Variants in RNF123 observed in about 807,000 individuals in gnomAD.
RNF123 encodes E3 ubiquitin-protein ligase RNF123.
RNF123 carries 86 observed loss-of-function variants against 168.5 expected under a neutral mutation model. That is an observed-to-expected ratio of 0.51 (90% CI 0.43 to 0.61). The LOEUF (loss-of-function observed/expected upper bound fraction) is 0.61, where lower values mean the gene tolerates loss of function less well. RNF123 is among the 20% of genes least tolerant of loss of function. The probability of loss-of-function intolerance (pLI) is 0.00; values close to 1 mark genes in which losing one functional copy is unlikely to be tolerated. For synonymous variants in RNF123, 666 were observed against 689.1 expected (o/e 0.97, Z 0.52); for missense variants, 1,419 against 1,729.7 (o/e 0.82, Z 3.19).
chr3:49,691,702 G>A (rs2054170189), intron 3 of RNF123, among the ~76,000 whole-genome samples, 193 bp downstream of exon 3: 1 of 152,230 alleles, frequency 6.6e-6, no homozygotes, highest in African/African-American at 2.4e-5. Context: ...TCCAGGCAGT[G>A]CTAGTTCCTT....
At chr3:49,716,544 G>A in intron 35 of RNF123, 67 bp downstream of exon 35, 1 of 1,302,248 alleles carries the variant, frequency 7.7e-7, no homozygotes, top group Non-Finnish European at 1.1e-6. Context: ...GCTGGACAGG[G>A]CCTCCTGGTA....
At chr3:49,719,393 C>A in intron 35 of RNF123, 1 of 1,613,632 alleles carries the variant, frequency 6.2e-7, no homozygotes, top group Non-Finnish European at 8.5e-7. Context: ...GGCGGGAAAC[C>A]CTCGGAGTCC....
At chr3:49,707,463 GGACA>G (rs1486083593) in intron 26 of RNF123, among the ~76,000 whole-genome samples, 1 of 152,128 alleles carries the variant, frequency 6.6e-6, no homozygotes, top group Non-Finnish European at 1.5e-5. Flanking sequence ...ATACATGGAT[GGACA>G]GACAGATGGA....
Position 49,704,754 on chromosome 3 carries a change from C to T in RNF123, c.1957C>T (p.Gln653Ter). The change falls in exon 22 of 39, where the codon CAG (glutamine) becomes TAG (stop). Residue 653 changes from glutamine (Q) to a stop codon, truncating the protein, a stop_gained and splice_region_variant. Transcript: ENST00000327697. LOFTEE classifies it high-confidence loss of function. Reference sequence around the variant, plus strand: ...TGAGGAGCCAGCCCCAGCTATGGCCCAGGTGCCGCAGTGGGGGCAGGCGGT... The same window carrying T: ...TGAGGAGCCAGCCCCAGCTATGGCCTAGGTGCCGCAGTGGGGGCAGGCGGT... Reference protein sequence around the residue: ...EDEEPAPAMAQRPMQALAVGG... With the variant: ...EDEEPAPAMA 1.0e-5 allele frequency: 16 copies of T among 1,573,088 alleles called. No homozygotes were observed. The highest frequency in any genetic ancestry group is 1.4e-5 in the Non-Finnish European group (16 of 1,159,494).
chr3:49,696,811 T>C (rs1336771428), intron 3 of RNF123, among the ~76,000 whole-genome samples: 1 of 151,330 alleles, frequency 6.6e-6, no homozygotes, highest in Non-Finnish European at 1.5e-5. Context: ...CACACTCAGC[T>C]AATTTTTGTA....
Position 49,715,955 on chromosome 3 carries a change from T to G in RNF123, c.3284T>G (p.Ile1095Arg), listed in dbSNP as rs761222782. The change falls in exon 33 of 39, where the codon ATA (isoleucine) becomes AGA (arginine). Residue 1095 changes from isoleucine (I) to arginine (R), a missense_variant. Physicochemically the swap from Ile to Arg is moderately conservative, Grantham distance 97. Around this residue, in one of 5 missense-constraint regions of RNF123, gnomAD observed 538 missense variants for 708.8 expected, o/e 0.76. Transcript: ENST00000327697. ...LEMTITLVPE[I>R]FLDWTRPTSE... is the part of the protein sequence containing the mutation. Reference sequence around the variant, plus strand: ...ATGACTATCACACTGGTGCCTGAGATATTCCTTGACTGGACCCGGCCTACC... The same window carrying G: ...ATGACTATCACACTGGTGCCTGAGAGATTCCTTGACTGGACCCGGCCTACC... 1 of 1,614,032 alleles carries G rather than the reference T, an allele frequency of 6.2e-7. No individual in the cohort carries two copies. The highest frequency in any genetic ancestry group is 1.1e-5 in the South Asian group (1 of 91,086).
chr3:49,698,619 C>T (rs2054315029), intron 8 of RNF123, 93 bp downstream of exon 8: 11 of 1,545,368 alleles, frequency 7.1e-6, no homozygotes. Flanking sequence ...TACAGGGCAC[C>T]AGGGAAGGGT....
chr3:49,707,007 C>A, intron 26 of RNF123, 109 bp downstream of exon 26: 1 of 794,458 alleles, frequency 1.3e-6, no homozygotes. Flanking sequence ...CTCTGGCACA[C>A]ACATGTCCCT....
chr3:49,689,801 C>G (rs2054078304), intron 1 of RNF123, 195 bp downstream of exon 1: 1 of 152,268 alleles, frequency 6.6e-6, no homozygotes, highest in South Asian at 2.1e-4. Flanking sequence ...CCGCCCTCGC[C>G]GTCCTTGGGC....
In RNF123 at chr3:49,699,707, T is replaced by G. The variant is rs764818513; in HGVS notation, c.919T>G (p.Leu307Val). Reference protein sequence around the residue: ...LLDKESSKWRLRGQPTVLLTL... With the variant: ...LLDKESSKWRVRGQPTVLLTL... The stretch of plus-strand genomic sequence containing the variant: ...GGACAAGGAGAGCTCCAAGTGGCGG[T>G]TGCGGGGCCAGCCCACCGTCCTCCT... Residue 307 changes from leucine (L) to valine (V), a missense_variant, in exon 12 of 39, where the codon TTG (leucine) becomes GTG (valine). Coordinates refer to ENST00000327697, the MANE Select transcript of RNF123 (RefSeq NM_022064.5). This position sits in a 1 kb window ranked among gnomAD's most constrained non-coding sequence, Gnocchi z 4.8. 7 of 1,613,318 alleles carry G rather than the reference T, an allele frequency of 4.3e-6. No individual in the cohort carries two copies. The Admixed American group carries it at 8.3e-5, about 19-fold the overall frequency.
At chr3:49,702,555 C>A in intron 19 of RNF123, 78 bp from the exon 20 acceptor site, 1 of 1,611,526 alleles carries the variant, frequency 6.2e-7, no homozygotes, top group Non-Finnish European at 8.5e-7. Context: ...ACCCTCGACC[C>A]TCAGGCAGGG....
chr3:49,713,112 C>A, intron 27 of RNF123: 1 of 600,184 alleles, frequency 1.7e-6, no homozygotes. Flanking sequence ...TGATTCCAGG[C>A]TGGGCGTGGC....
intron 26 of RNF123, among the ~76,000 whole-genome samples, chr3:49,710,194 C>T (rs965662664): frequency 3.9e-5 from 6 of 152,028 alleles, no homozygotes; most frequent in Non-Finnish European, 7.4e-5. Context: ...TATTGTGGTT[C>T]TGCATTTTGC....
rs2080242811 is a variant in RNF123, at chr3:49,716,254, C to T, written c.3415+77C>T. ...TGCTAGGAACAGTGAGGCCTGATTC[C>T]ACATTCTGCCCCCGGACAGCCAGAC... On this transcript the variant is annotated intron_variant, in intron 34 of 38. Coordinates refer to ENST00000327697, the MANE Select transcript of RNF123 (RefSeq NM_022064.5). The T allele has an allele frequency of 1.6e-5, 25 of 1,571,876 alleles. No individual in the cohort carries two copies. In the South Asian group the frequency reaches 2.8e-4, roughly 17 times the overall value.
intron 35 of RNF123, chr3:49,719,714 C>G (rs1171212639): frequency 8.5e-6 from 4 of 470,166 alleles, no homozygotes; most frequent in Non-Finnish European, 1.6e-5. Flanking sequence ...CTCCTAAATA[C>G]TCCCCCCAGG....
intron 3 of RNF123, 59 bp from the exon 4 acceptor site, chr3:49,697,084 G>T (rs1370265218): frequency 7.2e-7 from 1 of 1,396,532 alleles, no homozygotes; most frequent in Non-Finnish European, 1.0e-6. Context: ...ATGGGATTTA[G>T]TGTCATCTGG....
rs1304626887 is a variant in RNF123, at chr3:49,702,076, C to T, written c.1496-7C>T. ...CCTGAGGGCCATGTTCCTCACCTGACCTCCAGTGGTGGAAGAACTACAGGT... is the reference window on the plus strand; with the variant it reads ...CCTGAGGGCCATGTTCCTCACCTGATCTCCAGTGGTGGAAGAACTACAGGT... On this transcript the variant is annotated splice_polypyrimidine_tract_variant and splice_region_variant and intron_variant, in intron 17 of 38. Transcript: ENST00000327697. 1.9e-6 allele frequency: 3 copies of T among 1,613,630 alleles called. No homozygotes were observed. The highest frequency in any genetic ancestry group is 2.5e-6 in the Non-Finnish European group (3 of 1,179,776).
intron 3 of RNF123, among the ~76,000 whole-genome samples, chr3:49,692,740 C>T (rs982341837): frequency 5.3e-5 from 8 of 152,170 alleles, no homozygotes; most frequent in African/African-American, 1.9e-4. Context: ...TCTTTTTCTG[C>T]CTGGCTTATT....
chr3:49,719,221 G>A (rs2080329611), intron 35 of RNF123: 2 of 1,613,008 alleles, frequency 1.2e-6, no homozygotes, highest in South Asian at 2.2e-5. Context: ...GAAGAGGGGC[G>A]CCAACCAGCC....
Sources: gnomAD v4.1 joint callset for allele counts (sites outside exome capture counted in the v4.1 genomes callset) on GRCh38, gnomAD v4.1.1 for gene constraint, gnomAD v4.1.1 regional missense constraint, Gnocchi (gnomAD v3.1) non-coding constraint, MANE v1.5 for transcripts, NCBI Gene and HGNC (gene_info 2026-07-23, HGNC 2026-07-21) for gene names.